The following PRKN variants were observed in gnomAD, a reference collection of about 807,000 sequenced individuals.
PRKN encodes the protein E3 ubiquitin-protein ligase parkin.
PRKN carries 56 observed loss-of-function variants against 59.5 expected under a neutral mutation model. That is an observed-to-expected ratio of 0.94 (90% CI 0.76 to 1.18). PRKN has a LOEUF of 1.18. Among genes scored for constraint, PRKN ranks in the 50% most tolerant of loss-of-function variants. The pLI is 0.00. For missense variants in PRKN, 657 were observed against 596.4 expected (o/e 1.10, Z -1.06); for synonymous variants, 250 against 222.1 (o/e 1.13, Z -1.12).
intron 7 of PRKN, among the ~76,000 whole-genome samples, chr6:161,590,831 G>A (rs892187113): frequency 3.3e-5 from 5 of 152,088 alleles, no homozygotes; most frequent in East Asian, 1.9e-4. Flanking sequence ...ACTGTCCTGC[G>A]CTCATAAAAA....
chr6:162,270,394 T>C (rs913809246), intron 2 of PRKN: 2 of 152,040 alleles, frequency 1.3e-5, no homozygotes, highest in Non-Finnish European at 2.9e-5. Context: ...AGGGATAAAA[T>C]ACAACATATA....
intron 1 of PRKN, among the ~76,000 whole-genome samples, chr6:162,496,378 T>C (rs549683209): frequency 6.6e-6 from 1 of 152,334 alleles, no homozygotes; most frequent in South Asian, 2.1e-4. Context: ...GGAGCAGGTA[T>C]TTTGTGACAG....
intron 6 of PRKN, among the ~76,000 whole-genome samples, chr6:161,916,752 G>T (rs537213693): frequency 6.6e-6 from 1 of 152,240 alleles, no homozygotes; most frequent in African/African-American, 2.4e-5. Context: ...AAATTACACA[G>T]ATAGTATAAA....
At chr6:161,708,750 T>C (rs1394211383) in intron 7 of PRKN, among the ~76,000 whole-genome samples, 2 of 152,232 alleles carry the variant, frequency 1.3e-5, no homozygotes, top group Non-Finnish European at 2.9e-5. Flanking sequence ...AAATCAAGCC[T>C]AGAACGATGC....
intron 9 of PRKN, among the ~76,000 whole-genome samples, chr6:161,389,311 A>G (rs1412128707): frequency 6.6e-6 from 1 of 152,268 alleles, no homozygotes; most frequent in Non-Finnish European, 1.5e-5. Flanking sequence ...CATCAGAAAC[A>G]AAAAGGAAAA....
intron 4 of PRKN, among the ~76,000 whole-genome samples, chr6:162,170,647 T>G (rs1007630969): frequency 1.3e-5 from 2 of 152,180 alleles, no homozygotes; most frequent in Non-Finnish European, 2.9e-5. Context: ...CTCTGAGAAA[T>G]TAGCTGGGCC....
chr6:161,801,725 C>T (rs1791089786), intron 6 of PRKN, among the ~76,000 whole-genome samples: 1 of 152,150 alleles, frequency 6.6e-6, no homozygotes, highest in Non-Finnish European at 1.5e-5. Flanking sequence ...TTCTTCCCCA[C>T]AGTCAAGACC....
chr6:162,125,421 T>C (rs2128306654), intron 4 of PRKN, among the ~76,000 whole-genome samples: 1 of 152,178 alleles, frequency 6.6e-6, no homozygotes, highest in East Asian at 1.9e-4. Flanking sequence ...ATGTAAATAT[T>C]ATCATCATGT....
At chr6:162,179,764 T>C (rs1386837860) in intron 4 of PRKN, among the ~76,000 whole-genome samples, 2 of 152,086 alleles carry the variant, frequency 1.3e-5, no homozygotes, top group East Asian at 3.9e-4. Context: ...CTGGCTCAAT[T>C]CATGAGCTTA....
At chr6:161,722,143 C>T (rs935481700) in intron 7 of PRKN, among the ~76,000 whole-genome samples, 7 of 152,054 alleles carry the variant, frequency 4.6e-5, no homozygotes, top group South Asian at 4.2e-4. Context: ...GCCTCTGCTC[C>T]CAACATGCAC....
chr6:162,722,890 T>C (rs1346813118), intron 1 of PRKN, among the ~76,000 whole-genome samples: 1 of 152,202 alleles, frequency 6.6e-6, no homozygotes, highest in Non-Finnish European at 1.5e-5. Flanking sequence ...AGAACTATTA[T>C]ATAATTACAT....
intron 1 of PRKN, among the ~76,000 whole-genome samples, chr6:162,488,800 T>C (rs184964026): frequency 6.6e-6 from 1 of 152,202 alleles, no homozygotes; most frequent in Non-Finnish European, 1.5e-5. Flanking sequence ...GCCAGGCTCT[T>C]GGGCATTAGG....
chr6:161,351,890 CA>C (rs1784566203), intron 11 of PRKN, among the ~76,000 whole-genome samples: 1 of 152,140 alleles, frequency 6.6e-6, no homozygotes, highest in African/African-American at 2.4e-5. Flanking sequence ...TTATTTTCAG[CA>C]TAAGAGGAAA....
intron 6 of PRKN, among the ~76,000 whole-genome samples, chr6:161,951,203 G>A (rs1031351197): frequency 3.3e-5 from 5 of 151,962 alleles, no homozygotes; most frequent in African/African-American, 1.2e-4. Context: ...ATTAAAATAC[G>A]AAACAGTATG....
At position 161,587,252 on chromosome 6, in the gene PRKN, G is replaced by A. The variant is rs191990528; in HGVS notation, c.872-17836C>T. 6.6e-3 allele frequency among the ~76,000 whole-genome samples: 1,005 copies of A among 152,268 alleles called. 11 individuals are homozygous for A. Among genetic ancestry groups the A allele is most frequent in the Admixed American group, 0.01 (159 of 15,300 alleles). ...GTATCTCTGCTGTCTACTCACAGCA[G>A]TGTAGGCCAAAAAGGAGAGCGATTC... On this transcript the variant is annotated intron_variant, in intron 7 of 11. Transcript: ENST00000366898.
chr6:161,813,545 A>C (rs867597153), intron 6 of PRKN, among the ~76,000 whole-genome samples: 5 of 152,138 alleles, frequency 3.3e-5, no homozygotes, highest in Admixed American at 2.0e-4. Flanking sequence ...ATAACCGGGA[A>C]GCCTACAGTG....
chr6:162,633,379 G>A (rs1777587433), intron 1 of PRKN, among the ~76,000 whole-genome samples: 1 of 128,526 alleles, frequency 7.8e-6, no homozygotes, highest in African/African-American at 3.0e-5. Flanking sequence ...AGGTTGCAGT[G>A]AGCTGAGATC....
At chr6:162,151,494 G>A (rs556873462) in intron 4 of PRKN, among the ~76,000 whole-genome samples, 2 of 152,160 alleles carry the variant, frequency 1.3e-5, no homozygotes, top group African/African-American at 4.8e-5. Context: ...TAGTTGAATA[G>A]TCATCTTTTC....
At chr6:162,372,095 G>A (rs993379180) in intron 2 of PRKN, among the ~76,000 whole-genome samples, 4 of 152,178 alleles carry the variant, frequency 2.6e-5, no homozygotes, top group Non-Finnish European at 5.9e-5. Flanking sequence ...GCCTCCTCCT[G>A]AAGGACATAC....
Sources: gnomAD v4.1 joint callset for allele counts (sites outside exome capture counted in the v4.1 genomes callset) on GRCh38, gnomAD v4.1.1 for gene constraint, MANE v1.5 for transcripts, NCBI Gene and HGNC (gene_info 2026-07-23, HGNC 2026-07-21) for gene names.